The following IL1R1 variants were observed in gnomAD, a reference collection of about 807,000 sequenced individuals.
IL1R1 encodes interleukin 1 receptor type 1.
Under a neutral mutation model 50.2 loss-of-function variants are expected in IL1R1, and 22 were observed. The ratio of observed to expected loss-of-function variants is 0.44; its 90% confidence interval spans 0.31 to 0.63. The LOEUF (loss-of-function observed/expected upper bound fraction) is 0.63. IL1R1 is among the 20% of genes least tolerant of loss of function. The probability of loss-of-function intolerance (pLI) is 0.07; values close to 1 mark genes in which losing one functional copy is unlikely to be tolerated. For missense variants in IL1R1, 509 were observed against 676.2 expected, an observed-to-expected ratio of 0.75 and a Z score of 2.74; for synonymous variants, 251 against 236.7, an observed-to-expected ratio of 1.06 and a Z score of -0.55.
At chr2:102,081,846 C>G (rs568699500) in intron 1 of IL1R1, among the ~76,000 whole-genome samples, 1 of 152,180 alleles carries the variant, frequency 6.6e-6, no homozygotes, top group African/African-American at 2.4e-5. Flanking sequence ...GATGAACTAC[C>G]CAGTCATCAG....
chr2:102,099,177 G>C (rs1286686558), intron 1 of IL1R1, among the ~76,000 whole-genome samples: 1 of 152,084 alleles, frequency 6.6e-6, no homozygotes, highest in Non-Finnish European at 1.5e-5. Flanking sequence ...TCCTAGTCTT[G>C]GTTTTCCCAT....
intron 1 of IL1R1, among the ~76,000 whole-genome samples, chr2:102,080,170 A>AATT (rs1380326585): frequency 6.6e-6 from 1 of 152,182 alleles, no homozygotes; most frequent in African/African-American, 2.4e-5. Flanking sequence ...TGTGACCTTG[A>AATT]ATTGGGCAAT....
At chr2:102,083,401 AT>A (rs2104293936) in intron 1 of IL1R1, among the ~76,000 whole-genome samples, 1 of 151,990 alleles carries the variant, frequency 6.6e-6, no homozygotes, top group South Asian at 2.1e-4. Flanking sequence ...GTGCCGAGGT[AT>A]TTCTGGGTGA....
At chr2:102,158,164 C>T (rs916985891) in intron 3 of IL1R1, among the ~76,000 whole-genome samples, 2 of 152,174 alleles carry the variant, frequency 1.3e-5, no homozygotes, top group African/African-American at 4.8e-5. Context: ...TTTATGAACC[C>T]ACAGCTGGAA....
chr2:102,149,680 G>C (rs1169728104), intron 1 of IL1R1, among the ~76,000 whole-genome samples: 1 of 152,118 alleles, frequency 6.6e-6, no homozygotes, highest in East Asian at 1.9e-4. Context: ...GGACTCAACT[G>C]CCTGGTTCAT....
Position 102,126,928 on chromosome 2 carries a change from G to T in IL1R1, c.-84+22056G>T, listed in dbSNP as rs149743550. On this transcript the variant is annotated intron_variant, in intron 1 of 10. Coordinates refer to the IL1R1 transcript ENST00000409329. ...TTTTAAGGAGCTGGGTTTCAGTGAA[G>T]AATGTCAGTAGGTTCAGTTCTCTTC... 5.9e-5 allele frequency among the ~76,000 whole-genome samples: 9 copies of T among 152,340 alleles called. No homozygotes were observed. In the East Asian group the frequency reaches 1.5e-3, roughly 26 times the overall value.
intron 1 of IL1R1, among the ~76,000 whole-genome samples, chr2:102,071,812 C>T (rs10203841): frequency 0.45 from 67,758 of 151,924 alleles, 15,243 homozygotes; most frequent in Admixed American, 0.5. Flanking sequence ...GGTGTGAGAT[C>T]CACCCTGGTT....
chr2:102,117,407 G>A (rs1038854697), intron 1 of IL1R1, among the ~76,000 whole-genome samples: 1 of 152,118 alleles, frequency 6.6e-6, no homozygotes, highest in African/African-American at 2.4e-5. Flanking sequence ...TCAGTGATTT[G>A]GTGCTATTTG....
intron 1 of IL1R1, among the ~76,000 whole-genome samples, chr2:102,074,448 C>G (rs1353507047): frequency 6.6e-6 from 1 of 152,228 alleles, no homozygotes; most frequent in Non-Finnish European, 1.5e-5. Context: ...TTTCTGCATT[C>G]TCTCCAGCCG....
intron 3 of IL1R1, 48 bp downstream of exon 3, chr2:102,157,833 A>G: frequency 8.1e-7 from 1 of 1,237,776 alleles, no homozygotes; most frequent in Non-Finnish European, 1.2e-6. Flanking sequence ...AAAATCTGTT[A>G]TTTAGAATAC....
At chr2:102,110,158 T>C (rs995708498) in intron 1 of IL1R1, among the ~76,000 whole-genome samples, 8 of 152,128 alleles carry the variant, frequency 5.3e-5, no homozygotes, top group African/African-American at 1.7e-4. Context: ...TAGTTTCTAG[T>C]TTTTTCTTCC....
At chr2:102,124,956 T>C (rs140521052) in intron 1 of IL1R1, among the ~76,000 whole-genome samples, 14 of 152,248 alleles carry the variant, frequency 9.2e-5, no homozygotes, top group African/African-American at 3.4e-4. Context: ...ACTCACCCAC[T>C]ATCACGAGAA....
chr2:102,152,256 A>G (rs1036961982), intron 1 of IL1R1, among the ~76,000 whole-genome samples: 1 of 151,826 alleles, frequency 6.6e-6, no homozygotes, highest in Non-Finnish European at 1.5e-5. Flanking sequence ...CTGTAATCCC[A>G]GCACTTTGGG....
chr2:102,127,487 C>A (rs59928428), intron 1 of IL1R1, among the ~76,000 whole-genome samples: 8 of 152,060 alleles, frequency 5.3e-5, no homozygotes, highest in Non-Finnish European at 1.2e-4. Flanking sequence ...AATGATAATA[C>A]GGCAGTGTAT....
At chr2:102,106,948 C>T (rs528226750) in intron 1 of IL1R1, among the ~76,000 whole-genome samples, 3 of 152,246 alleles carry the variant, frequency 2.0e-5, no homozygotes, top group African/African-American at 7.2e-5. Context: ...TGTAGCTAAA[C>T]CTTTGCATCT....
At chr2:102,107,665 A>C (rs1680496871) in intron 1 of IL1R1, among the ~76,000 whole-genome samples, 1 of 152,168 alleles carries the variant, frequency 6.6e-6, no homozygotes, top group Non-Finnish European at 1.5e-5. Context: ...AAAGTGTGCT[A>C]CTCTGATAAT....
intron 1 of IL1R1, among the ~76,000 whole-genome samples, chr2:102,127,092 C>T (rs1453207565): frequency 1.3e-5 from 2 of 152,210 alleles, no homozygotes; most frequent in East Asian, 3.8e-4. Flanking sequence ...CCTCTCCCTT[C>T]TCTGCTTTGC....
At chr2:102,100,363 C>G (rs767961394), upstream of IL1R1, among the ~76,000 whole-genome samples, 3 of 152,160 alleles carry the variant, frequency 2.0e-5, no homozygotes, top group Non-Finnish European at 4.4e-5. Flanking sequence ...CACCTGAGAG[C>G]CAGGATGGAA....
At chr2:102,110,243 C>T (rs888802152) in intron 1 of IL1R1, among the ~76,000 whole-genome samples, 3 of 152,146 alleles carry the variant, frequency 2.0e-5, no homozygotes, top group African/African-American at 7.2e-5. Flanking sequence ...GCATTTTCTG[C>T]CTCTTAATGG....
Sources: gnomAD v4.1 joint callset for allele counts (sites outside exome capture counted in the v4.1 genomes callset) on GRCh38, gnomAD v4.1.1 for gene constraint, MANE v1.5 for transcripts, NCBI Gene and HGNC (gene_info 2026-07-23, HGNC 2026-07-21) for gene names.